SERPINB12: variants seen among roughly 807,000 people sequenced by gnomAD.
SERPINB12 encodes serpin B12.
SERPINB12 carries 57 observed loss-of-function variants against 41.1 expected under a neutral mutation model. That is an observed-to-expected ratio of 1.39 (90% confidence interval 1.12 to 1.73). SERPINB12 has a LOEUF of 1.73. Ranked by LOEUF, SERPINB12 falls within the 40% of genes most tolerant of loss-of-function variation. The pLI is 0.00. For missense variants in SERPINB12, 536 were observed against 501.9 expected, an observed-to-expected ratio of 1.07 and a Z score of -0.65; for synonymous variants, 180 against 181.3, an observed-to-expected ratio of 0.99 and a Z score of 0.06.
the SERPINB12 span, among the ~76,000 whole-genome samples, chr18:63,535,506 C>T: frequency 1.6e-4 from 25 of 152,082 alleles, no homozygotes; most frequent in Admixed American, 4.6e-4. Flanking sequence ...GGCCCTTACC[C>T]GTCAAAATGT....
chr18:63,545,311 C>G (rs1910362384), intron 1 of SERPINB12, among the ~76,000 whole-genome samples: 1 of 151,754 alleles, frequency 6.6e-6, no homozygotes, highest in African/African-American at 2.4e-5. Context: ...CACTTGAAGT[C>G]ACGGGTACTA....
chr18:63,522,102 T>C, the SERPINB12 span, among the ~76,000 whole-genome samples: 17 of 152,218 alleles, frequency 1.1e-4, no homozygotes, highest in African/African-American at 3.9e-4. Context: ...AAAATAAGTT[T>C]AGTTTTTATC....
the SERPINB12 span, among the ~76,000 whole-genome samples, chr18:63,522,721 AT>A: frequency 5.9e-5 from 9 of 152,200 alleles, no homozygotes; most frequent in Admixed American, 5.9e-4. Flanking sequence ...ACTGGTTAGA[AT>A]CTTTGCCATG....
upstream of SERPINB12, among the ~76,000 whole-genome samples, chr18:63,538,645 A>G (rs923394515): frequency 6.6e-6 from 1 of 152,166 alleles, no homozygotes; most frequent in African/African-American, 2.4e-5. Context: ...TAATATTGCT[A>G]TGAACATTTG....
upstream of SERPINB12, among the ~76,000 whole-genome samples, chr18:63,538,159 C>T (rs190146915): frequency 2.0e-4 from 31 of 152,264 alleles, no homozygotes; most frequent in African/African-American, 7.2e-4. Context: ...TTGAAAGCAA[C>T]ATGTCTAGCA....
Position 63,559,003 on chromosome 18 carries a change from C to CTTTCTTTCTT in SERPINB12, c.303+519_303+520insTCTTTCTTTT, listed in dbSNP as rs1491386715. On this transcript the variant is annotated intron_variant, in intron 3 of 7. Coordinates refer to ENST00000382768, the MANE Select transcript of SERPINB12 (RefSeq NM_001307928.2). The stretch of plus-strand genomic sequence containing the variant: ...ATGATTGTCTTTCTTTCTTTCCTTC[C>CTTTCTTTCTT]TTCTTTCTTTCTTTCTTTCTTTCTT... Among the ~76,000 whole-genome samples, 35 of 78,570 alleles carry CTTTCTTTCTT rather than the reference C, an allele frequency of 4.5e-4. 1 individual carries two copies. The highest frequency in any genetic ancestry group is 1.8e-3 in the African/African-American group (35 of 19,776). The allele number at this position is 78,570 out of a possible 152,430, so 51.5% of individuals were successfully genotyped here. A position where few individuals can be genotyped will look rare whatever the true frequency, so the allele number is the denominator to read the frequency against.
chr18:63,559,003 C>CTTCCTTCTTTCTTTCT (rs1555675577), intron 3 of SERPINB12, among the ~76,000 whole-genome samples: 5 of 78,536 alleles, frequency 6.4e-5, no homozygotes, highest in Non-Finnish European at 1.2e-4. Context: ...TCTTTCCTTC[C>CTTCCTTCTTTCTTTCT]TTCTTTCTTT....
chr18:63,563,305 T>C (rs1288185655), intron 5 of SERPINB12, among the ~76,000 whole-genome samples: 1 of 152,248 alleles, frequency 6.6e-6, no homozygotes, highest in African/African-American at 2.4e-5. Flanking sequence ...GTTTATATTG[T>C]AGTTCTTTGT....
rs1318417910 is a variant in SERPINB12 at position 63,557,202 on chromosome 18, G to C, written c.168+875G>C. Among the ~76,000 whole-genome samples the C allele has an allele frequency of 2.0e-5, 3 of 152,012 alleles. No individual in the cohort carries two copies. In the East Asian group the frequency reaches 5.8e-4, roughly 29 times the overall value. On this transcript the variant is annotated intron_variant, in intron 2 of 7. Coordinates refer to ENST00000382768, the MANE Select transcript of SERPINB12 (RefSeq NM_001307928.2). ...ATGCCCATCCTATCTTGGGGCCTTT[G>C]CTCTCGGTCCCTTTGCCTGATGGCT...
In SERPINB12 at chr18:63,556,181, A is replaced by C; in HGVS notation, c.22A>C (p.Asn8His). 1 of 1,613,978 alleles carries C rather than the reference A, an allele frequency of 6.2e-7. No individual in the cohort carries two copies. Among genetic ancestry groups the C allele is most frequent in the Non-Finnish European group, 8.5e-7 (1 of 1,179,922 alleles). MDSLVTANTKFCFDLFQE... is the reference protein window; with the variant it reads MDSLVTAHTKFCFDLFQE... ...TACAATGGACTCTCTTGTTACAGCA[A>C]ACACCAAATTTTGCTTTGATCTTTT... is the stretch of plus-strand genomic sequence containing the variant. The change falls in exon 2 of 8, where the codon AAC becomes CAC. Residue 8 changes from asparagine to histidine, a missense_variant. Asn to His is a moderately conservative substitution (Grantham distance 68). Coordinates refer to ENST00000382768, the MANE Select transcript of SERPINB12 (RefSeq NM_001307928.2).
At chr18:63,530,330 C>T in the SERPINB12 span, among the ~76,000 whole-genome samples, 1 of 152,192 alleles carries the variant, frequency 6.6e-6, no homozygotes, top group Non-Finnish European at 1.5e-5. Flanking sequence ...GGACTCTCTA[C>T]AGTTACACTG....
At chr18:63,565,941 T>C (rs143025741) in intron 7 of SERPINB12, among the ~76,000 whole-genome samples, 64 of 152,314 alleles carry the variant, frequency 4.2e-4, no homozygotes, top group African/African-American at 1.5e-3. Flanking sequence ...TCTGGCCTCT[T>C]ACTCATACCA....
At chr18:63,540,428 A>G (rs896012293), upstream of SERPINB12, among the ~76,000 whole-genome samples, 5 of 152,186 alleles carry the variant, frequency 3.3e-5, no homozygotes, top group African/African-American at 7.2e-5. Flanking sequence ...TCTGAGATTC[A>G]GATAAACTCT....
rs779296346 is a variant in SERPINB12, at chr18:63,558,340, G to A, written c.169-12G>A. 61 of 1,606,704 alleles carry A rather than the reference G, an allele frequency of 3.8e-5. No homozygotes were observed. Among genetic ancestry groups the A allele is most frequent in the Middle Eastern group, 1.7e-4 (1 of 6,016 alleles). On this transcript the variant is annotated splice_polypyrimidine_tract_variant and intron_variant, in intron 2 of 7. Transcript: ENST00000382768. ...CATATTATCTGAAAGACCCCATCCCGTTATCATGCAGGTACTACACTTCAA... is the reference window on the plus strand; with the variant it reads ...CATATTATCTGAAAGACCCCATCCCATTATCATGCAGGTACTACACTTCAA...
At chr18:63,550,143 C>A (rs963998100) in intron 1 of SERPINB12, among the ~76,000 whole-genome samples, 3 of 152,170 alleles carry the variant, frequency 2.0e-5, no homozygotes, top group Admixed American at 1.3e-4. Flanking sequence ...TTTTGGGAGA[C>A]CTTACTATTT....
At chr18:63,564,237 C>T (rs1207817423) in intron 6 of SERPINB12, 117 bp downstream of exon 6, 20 of 1,116,098 alleles carry the variant, frequency 1.8e-5, no homozygotes, top group African/African-American at 3.1e-5. Context: ...GAACATTTTT[C>T]GTTGATAAGA....
chr18:63,540,103 A>C (rs1910244722), upstream of SERPINB12, among the ~76,000 whole-genome samples: 1 of 152,200 alleles, frequency 6.6e-6, no homozygotes, highest in African/African-American at 2.4e-5. Context: ...AGGATGCTTA[A>C]AACTTGGCTC....
chr18:63,566,987 T>C lies in SERPINB12; in HGVS notation c.1254T>C (p.Phe418=). Residue 418 remains phenylalanine, a synonymous_variant, in exon 8 of 8, where the codon TTT becomes TTC. Transcript: ENST00000382768. ...IRHNKTQTIL[F]YGRVCSP is the part of the protein sequence containing the mutation. ...ACAACAAAACCCAAACCATTCTCTT[T>C]TATGGCAGGGTCTGCTCTCCTTAAA... 6.2e-7 allele frequency: 1 copy of C among 1,603,750 alleles called. No individual in the cohort carries two copies.
the SERPINB12 span, among the ~76,000 whole-genome samples, chr18:63,519,517 C>T: frequency 6.6e-6 from 1 of 152,218 alleles, no homozygotes; most frequent in Non-Finnish European, 1.5e-5. Context: ...TCTGCCTCAA[C>T]TCCGCCCCTT....
Sources: allele counts gnomAD v4.1 joint callset (sites outside exome capture counted in the v4.1 genomes callset), GRCh38; gene constraint gnomAD v4.1.1; transcripts MANE v1.5; gene names NCBI Gene and HGNC (gene_info 2026-07-23, HGNC 2026-07-21).